SGCZ: variants seen among roughly 807,000 people sequenced by gnomAD.
SGCZ encodes sarcoglycan zeta.
SGCZ carries 40 observed loss-of-function variants against 41.3 expected under a neutral mutation model. The ratio of observed to expected loss-of-function variants is 0.97; its 90% CI spans 0.75 to 1.26. SGCZ has a LOEUF of 1.26. SGCZ is among the 50% of genes most tolerant of loss of function. SGCZ has a pLI of 0.00. For synonymous variants in SGCZ, 206 were observed against 137.5 expected, an observed-to-expected ratio of 1.50 and a Z score of -3.49; for missense variants, 552 against 369.8, an observed-to-expected ratio of 1.49 and a Z score of -4.04.
At chr8:14,221,660 G>C (rs1487016198) in intron 4 of SGCZ, among the ~76,000 whole-genome samples, 2 of 151,998 alleles carry the variant, frequency 1.3e-5, no homozygotes, top group Non-Finnish European at 2.9e-5. Flanking sequence ...GTGGGGTCGG[G>C]TGTGGTGGCT....
chr8:14,100,448 G>A (rs890606391), intron 7 of SGCZ, among the ~76,000 whole-genome samples: 15 of 149,828 alleles, frequency 1.0e-4, no homozygotes, highest in Admixed American at 1.3e-4. Context: ...AAAGACTTCC[G>A]TCCTACTGTG....
intron 1 of SGCZ, among the ~76,000 whole-genome samples, chr8:14,613,234 G>A (rs1805987753): frequency 6.6e-6 from 1 of 152,130 alleles, no homozygotes; most frequent in South Asian, 2.1e-4. Context: ...TAGTATGAAA[G>A]TTTATGATGT....
intron 1 of SGCZ, among the ~76,000 whole-genome samples, chr8:14,992,695 A>AC (rs58881776): frequency 0.043 from 4,595 of 107,660 alleles, 345 homozygotes; most frequent in African/African-American, 0.099. Context: ...CTTGATATTT[A>AC]CCCCCCACCC....
intron 1 of SGCZ, among the ~76,000 whole-genome samples, chr8:15,162,838 C>A (rs1477487673): frequency 6.6e-6 from 1 of 152,142 alleles, no homozygotes; most frequent in Non-Finnish European, 1.5e-5. Flanking sequence ...AGTTTATAAA[C>A]ATTTCCTAAA....
intron 5 of SGCZ, among the ~76,000 whole-genome samples, chr8:14,147,008 T>C (rs1803548064): frequency 6.6e-6 from 1 of 151,610 alleles, no homozygotes; most frequent in South Asian, 2.1e-4. Context: ...CTTAGAGTTT[T>C]GAGTAGTTTT....
chr8:14,851,241 C>T lies in SGCZ; in HGVS notation c.40-296315G>A, dbSNP rs557338788. Among the ~76,000 whole-genome samples the T allele has an allele frequency of 4.9e-3, 737 of 151,510 alleles. 5 individuals carry two copies. The highest frequency in any genetic ancestry group is 8.1e-3 in the Non-Finnish European group (550 of 67,796). Reference sequence around the variant, plus strand: ...AAAATTAGCCAGGCATCGTGGCAGGCGCCTGTAGTCCCTGCTACTTGGGAG... The same window carrying T: ...AAAATTAGCCAGGCATCGTGGCAGGTGCCTGTAGTCCCTGCTACTTGGGAG... On this transcript the variant is annotated intron_variant, in intron 1 of 7. Transcript: ENST00000382080.
chr8:14,421,783 A>C (rs1057262561), intron 2 of SGCZ, among the ~76,000 whole-genome samples: 1 of 152,152 alleles, frequency 6.6e-6, no homozygotes, highest in East Asian at 1.9e-4. Context: ...ATAGGGCTTG[A>C]TATATACTAG....
At chr8:14,508,261 C>G (rs1401164517) in intron 2 of SGCZ, among the ~76,000 whole-genome samples, 7 of 152,122 alleles carry the variant, frequency 4.6e-5, no homozygotes, top group Non-Finnish European at 7.3e-5. Context: ...GCTCCCTGTT[C>G]TATGCCCAGC....
At chr8:14,528,847 AAC>A (rs1197372989) in intron 2 of SGCZ, among the ~76,000 whole-genome samples, 2,407 of 149,344 alleles carry the variant, frequency 0.016, 111 homozygotes, top group African/African-American at 0.058. Context: ...ACAAAACAAA[AAC>A]AAAAAAAGAG....
chr8:14,427,096 A>T (rs911764473), intron 2 of SGCZ, among the ~76,000 whole-genome samples: 1 of 151,990 alleles, frequency 6.6e-6, no homozygotes, highest in Non-Finnish European at 1.5e-5. Flanking sequence ...GAGTGAATGA[A>T]TGAATGAGTG....
rs78480621 is a variant in SGCZ, at chr8:15,235,456, C to G, written c.39+2129G>C. Among the ~76,000 whole-genome samples, 1,208 of 152,290 alleles carry G rather than the reference C, an allele frequency of 7.9e-3. 16 individuals are homozygous for G. Among genetic ancestry groups the G allele is most frequent in the African/African-American group, 0.027 (1,141 of 41,556 alleles). On this transcript the variant is annotated intron_variant, in intron 1 of 7. Coordinates refer to ENST00000382080, the MANE Select transcript of SGCZ (RefSeq NM_139167.4). ...TCAATAGATCCTTGTATCTAACATGCCTTCATTTCTTCCCAGTCAGTCATT... is the reference window on the plus strand; with the variant it reads ...TCAATAGATCCTTGTATCTAACATGGCTTCATTTCTTCCCAGTCAGTCATT...
chr8:14,901,670 C>T (rs981934656), intron 1 of SGCZ, among the ~76,000 whole-genome samples: 3 of 152,020 alleles, frequency 2.0e-5, no homozygotes, highest in East Asian at 1.9e-4. Flanking sequence ...CAGTCCTTCT[C>T]ACATTCTGGG....
intron 1 of SGCZ, among the ~76,000 whole-genome samples, chr8:15,002,876 G>A (rs944063372): frequency 2.0e-5 from 3 of 152,110 alleles, no homozygotes; most frequent in Admixed American, 2.0e-4. Context: ...GCCATAGGAG[G>A]GACCCTGGGG....
intron 2 of SGCZ, among the ~76,000 whole-genome samples, chr8:14,382,189 T>G (rs1438032654): frequency 6.6e-6 from 1 of 152,158 alleles, no homozygotes; most frequent in Non-Finnish European, 1.5e-5. Context: ...TCTGCCAAAC[T>G]GACAATGAAA....
chr8:14,956,039 C>CTT (rs71884770), intron 1 of SGCZ, among the ~76,000 whole-genome samples: 30,828 of 120,082 alleles, frequency 0.26, 4,284 homozygotes, highest in Admixed American at 0.33. Flanking sequence ...ACTACTTTTA[C>CTT]TTTTTTTTTT....
At chr8:15,203,235 T>C (rs1800953737) in intron 1 of SGCZ, among the ~76,000 whole-genome samples, 1 of 152,242 alleles carries the variant, frequency 6.6e-6, no homozygotes, top group Non-Finnish European at 1.5e-5. Flanking sequence ...AAGTCATATT[T>C]GCTTATTGTA....
chr8:14,361,704 G>C (rs572473425), intron 2 of SGCZ, among the ~76,000 whole-genome samples: 1 of 152,132 alleles, frequency 6.6e-6, no homozygotes, highest in Non-Finnish European at 1.5e-5. Context: ...CCCATTCTCC[G>C]TCCAGTTTTG....
chr8:14,691,436 G>C (rs1183153399), intron 1 of SGCZ, among the ~76,000 whole-genome samples: 1 of 152,018 alleles, frequency 6.6e-6, no homozygotes, highest in Non-Finnish European at 1.5e-5. Context: ...AAGTACCAAA[G>C]GATGACCTAG....
At chr8:14,483,088 T>A (rs951679545) in intron 2 of SGCZ, among the ~76,000 whole-genome samples, 1 of 152,186 alleles carries the variant, frequency 6.6e-6, no homozygotes, top group Non-Finnish European at 1.5e-5. Context: ...CTCTATCTCT[T>A]ACCCACACTT....
Sources: allele counts gnomAD v4.1 joint callset (sites outside exome capture counted in the v4.1 genomes callset), GRCh38; gene constraint gnomAD v4.1.1; transcripts MANE v1.5; gene names NCBI Gene and HGNC (gene_info 2026-07-23, HGNC 2026-07-21).